The following EPHB1 variants were observed in gnomAD, a reference collection of about 807,000 sequenced individuals.
The protein encoded by EPHB1 is ephrin type-B receptor 1.
A neutral mutation model predicts 94.4 loss-of-function variants in EPHB1; 30 were observed. The observed-to-expected ratio is 0.32, with a 90% CI of 0.24 to 0.43. The LOEUF is 0.43. Ranked by LOEUF, EPHB1 falls within the 20% of genes least tolerant of loss-of-function variation. EPHB1 has a pLI of 1.00. For synonymous variants in EPHB1, 522 were observed against 489.1 expected (o/e 1.07, Z -0.89); for missense variants, 1,055 against 1,308.3 (o/e 0.81, Z 2.99).
intron 3 of EPHB1, among the ~76,000 whole-genome samples, chr3:135,018,068 G>T (rs1436897977): frequency 6.6e-6 from 1 of 152,138 alleles, no homozygotes; most frequent in Admixed American, 6.5e-5. Flanking sequence ...GTAGGAGATG[G>T]TGTTTAACCT....
intron 1 of EPHB1, among the ~76,000 whole-genome samples, chr3:134,854,412 G>A (rs773232178): frequency 1.6e-4 from 24 of 152,114 alleles, no homozygotes; most frequent in Non-Finnish European, 2.4e-4. Context: ...GAACCTGGCT[G>A]CAAGGTTTCC....
chr3:134,976,077 G>T (rs1272218915), intron 3 of EPHB1, among the ~76,000 whole-genome samples: 1 of 152,194 alleles, frequency 6.6e-6, no homozygotes, highest in African/African-American at 2.4e-5. Context: ...CCTGGATGGG[G>T]TATTTCAGGC....
At chr3:135,257,199 A>C (rs1160139065) in intron 15 of EPHB1, among the ~76,000 whole-genome samples, 1 of 152,004 alleles carries the variant, frequency 6.6e-6, no homozygotes, top group African/African-American at 2.4e-5. Flanking sequence ...GATCGTCTGA[A>C]GCCTTCTTCT....
intron 3 of EPHB1, among the ~76,000 whole-genome samples, chr3:135,021,707 T>C (rs1433414065): frequency 6.6e-6 from 1 of 152,226 alleles, no homozygotes; most frequent in Non-Finnish European, 1.5e-5. Flanking sequence ...AAAGCATTAG[T>C]GAAGGGGAAT....
intron 3 of EPHB1, among the ~76,000 whole-genome samples, chr3:135,044,132 C>T (rs563020850): frequency 6.6e-6 from 1 of 152,278 alleles, no homozygotes; most frequent in South Asian, 2.1e-4. Context: ...AAAGATTTGC[C>T]TCTGTTTATT....
At chr3:135,229,578 C>T (rs554401793) in intron 12 of EPHB1, among the ~76,000 whole-genome samples, 1 of 152,244 alleles carries the variant, frequency 6.6e-6, no homozygotes, top group African/African-American at 2.4e-5. Flanking sequence ...CAGCTGCTTA[C>T]CCCACATGAA....
intron 1 of EPHB1, among the ~76,000 whole-genome samples, chr3:134,840,195 T>C (rs2036750683): frequency 6.6e-6 from 1 of 152,208 alleles, no homozygotes; most frequent in Non-Finnish European, 1.5e-5. Flanking sequence ...TCTTTCCCCA[T>C]AGTGCCTGGC....
At chr3:135,161,271 A>T (rs1941497816) in intron 6 of EPHB1, among the ~76,000 whole-genome samples, 1 of 152,168 alleles carries the variant, frequency 6.6e-6, no homozygotes, top group Admixed American at 6.5e-5. Flanking sequence ...AGTGCTGGAG[A>T]GAGTGACAGA....
intron 12 of EPHB1, among the ~76,000 whole-genome samples, chr3:135,225,141 G>A (rs1237786539): frequency 1.3e-5 from 2 of 152,160 alleles, no homozygotes; most frequent in Non-Finnish European, 2.9e-5. Flanking sequence ...CTGCTGCAGA[G>A]CTAGGATGCC....
At chr3:134,886,215 G>C (rs1408030774) in intron 1 of EPHB1, among the ~76,000 whole-genome samples, 1 of 152,174 alleles carries the variant, frequency 6.6e-6, no homozygotes, top group Non-Finnish European at 1.5e-5. Context: ...TGTTACCTGT[G>C]TGGTCCTGTT....
At position 135,259,731 on chromosome 3, in the gene EPHB1, G is replaced by A. The variant is rs1933563388; in HGVS notation, c.*611G>A. ...CAATTAATGTCTTCATATTGAAGAA[G>A]AGATGTACCTTCAATTGAAAACCTC... On this transcript the variant is annotated 3_prime_UTR_variant, in exon 16 of 16. Transcript: ENST00000398015. 4.8e-6 allele frequency: 1 copy of A among 207,764 alleles called. No homozygotes were observed. Among genetic ancestry groups the A allele is most frequent in the African/African-American group, 2.3e-5 (1 of 43,830 alleles). 12.9% of individuals were successfully genotyped at this position (207,764 alleles called of 1,614,324 possible). A position where few individuals can be genotyped will look rare whatever the true frequency, so the allele number is the denominator to read the frequency against.
Position 134,812,579 on chromosome 3 carries a change from A to G in EPHB1, c.58+16890A>G, listed in dbSNP as rs1423373277. On this transcript the variant is annotated intron_variant, in intron 1 of 15. Transcript: ENST00000398015. The stretch of plus-strand genomic sequence containing the variant: ...AAAGCTACTGTGAATATTTGAGTAC[A>G]TGTCTTTATGTGAACACAAAATGAA... Among the ~76,000 whole-genome samples the G allele has an allele frequency of 2.0e-5, 3 of 152,196 alleles. No homozygotes were observed. The East Asian group carries it at 5.8e-4, about 29-fold the overall frequency.
chr3:134,982,282 G>A (rs577829729), intron 3 of EPHB1, among the ~76,000 whole-genome samples: 3 of 152,160 alleles, frequency 2.0e-5, no homozygotes, highest in African/African-American at 7.2e-5. Flanking sequence ...CTGATCATTG[G>A]ATTCCTTTTT....
At chr3:135,092,978 T>A (rs964602898) in intron 3 of EPHB1, among the ~76,000 whole-genome samples, 6 of 152,138 alleles carry the variant, frequency 3.9e-5, no homozygotes. Context: ...TTGCTGCCTC[T>A]GCATTGGGGG....
intron 3 of EPHB1, among the ~76,000 whole-genome samples, chr3:134,992,236 G>A (rs992447899): frequency 2.6e-5 from 4 of 152,158 alleles, no homozygotes; most frequent in African/African-American, 9.6e-5. Flanking sequence ...GTGATCCAGG[G>A]AGCAGGCGGG....
At chr3:134,828,682 G>T (rs769945014) in intron 1 of EPHB1, among the ~76,000 whole-genome samples, 5 of 152,172 alleles carry the variant, frequency 3.3e-5, no homozygotes, top group Non-Finnish European at 5.9e-5. Context: ...GGAGGATGGA[G>T]AATGGCCCTT....
chr3:135,146,403 A>G (rs1021445790), intron 5 of EPHB1, among the ~76,000 whole-genome samples: 2 of 152,260 alleles, frequency 1.3e-5, no homozygotes, highest in Admixed American at 6.5e-5. Flanking sequence ...TGGTAAGTAC[A>G]TGAGGCACAA....
chr3:134,875,221 T>G (rs1286614902), intron 1 of EPHB1, among the ~76,000 whole-genome samples: 1 of 152,084 alleles, frequency 6.6e-6, no homozygotes, highest in African/African-American at 2.4e-5. Context: ...GCTGTGCTGG[T>G]TGGAGAGAAG....
At chr3:135,027,720 A>G (rs1936242044) in intron 3 of EPHB1, among the ~76,000 whole-genome samples, 1 of 147,158 alleles carries the variant, frequency 6.8e-6, no homozygotes, top group Non-Finnish European at 1.5e-5. Context: ...CTTTGGTATC[A>G]GAATGATGCT....
Sources: allele counts gnomAD v4.1 joint callset (sites outside exome capture counted in the v4.1 genomes callset), GRCh38; gene constraint gnomAD v4.1.1; transcripts MANE v1.5; gene names NCBI Gene and HGNC (gene_info 2026-07-23, HGNC 2026-07-21).